The following CCDC91 variants were observed in gnomAD, a reference collection of about 807,000 sequenced individuals.
CCDC91 encodes coiled-coil domain containing 91, also known as coiled-coil domain-containing protein 91.
In CCDC91, 48 loss-of-function variants were observed where a neutral mutation model predicts 63.2. That is an observed-to-expected ratio of 0.76 (90% confidence interval 0.60 to 0.97). The LOEUF (loss-of-function observed/expected upper bound fraction) is 0.97. Ranked by LOEUF, CCDC91 falls within the 50% of genes least tolerant of loss-of-function variation. CCDC91 has a pLI of 0.00. For missense variants in CCDC91, 500 were observed against 494.6 expected, an observed-to-expected ratio of 1.01 and a Z score of -0.10; for synonymous variants, 167 against 165.8, an observed-to-expected ratio of 1.01 and a Z score of -0.06.
intron 12 of CCDC91, among the ~76,000 whole-genome samples, chr12:28,531,046 T>C (rs1022256983): frequency 6.6e-6 from 1 of 152,174 alleles, no homozygotes; most frequent in African/African-American, 2.4e-5. Context: ...CAGTCTCAGG[T>C]AGTCCATTAT....
intron 11 of CCDC91, among the ~76,000 whole-genome samples, chr12:28,473,974 T>TTTTGTG (rs1950953324): frequency 6.7e-6 from 1 of 149,696 alleles, no homozygotes; most frequent in Middle Eastern, 3.4e-3. Context: ...GCATGTGTGT[T>TTTTGTG]TGTGTGTGTG....
At chr12:28,438,042 G>A (rs890558491) in intron 8 of CCDC91, among the ~76,000 whole-genome samples, 2 of 152,154 alleles carry the variant, frequency 1.3e-5, no homozygotes, top group Non-Finnish European at 2.9e-5. Context: ...GAATTGTAGA[G>A]TGTAAGGATG....
At position 28,484,050 on chromosome 12, in the gene CCDC91, A is replaced by G; in HGVS notation, c.1102-2A>G. ...GACTGTTTTGCCTTCTCCCACAAAC[A>G]GGAAACTGTTAAGGCAGCAATAATA... is the stretch of plus-strand genomic sequence containing the variant. On this transcript the variant is annotated splice_acceptor_variant, in intron 11 of 12. Coordinates refer to ENST00000536442, the MANE Select transcript of CCDC91 (RefSeq NM_018318.5). LOFTEE classifies it high-confidence loss of function. 1 of 1,603,994 alleles carries G rather than the reference A, an allele frequency of 6.2e-7. No individual in the cohort carries two copies. Among genetic ancestry groups the G allele is most frequent in the Non-Finnish European group, 8.5e-7 (1 of 1,173,638 alleles).
chr12:28,527,214 G>A (rs1941337907), intron 12 of CCDC91, among the ~76,000 whole-genome samples: 1 of 152,124 alleles, frequency 6.6e-6, no homozygotes, highest in African/African-American at 2.4e-5. Flanking sequence ...TTGGTTTTCT[G>A]GTTTCTTATT....
chr12:28,413,448 T>C (rs1222158155), intron 8 of CCDC91, among the ~76,000 whole-genome samples: 2 of 152,236 alleles, frequency 1.3e-5, no homozygotes, highest in Non-Finnish European at 2.9e-5. Flanking sequence ...ACTTAACTAA[T>C]ATTTGTTTTT....
chr12:28,442,284 A>T (rs1201460717), intron 8 of CCDC91, among the ~76,000 whole-genome samples: 4 of 152,136 alleles, frequency 2.6e-5, no homozygotes, highest in African/African-American at 9.7e-5. Context: ...TATTTCAGGC[A>T]TTCATGAAAA....
intron 12 of CCDC91, among the ~76,000 whole-genome samples, chr12:28,511,482 A>G (rs761596556): frequency 2.0e-5 from 3 of 151,860 alleles, no homozygotes; most frequent in Non-Finnish European, 4.4e-5. Context: ...AACTGTAATT[A>G]TCCTATTTAC....
chr12:28,260,871 G>A (rs936061846), intron 3 of CCDC91, among the ~76,000 whole-genome samples: 4 of 151,966 alleles, frequency 2.6e-5, no homozygotes, highest in African/African-American at 9.7e-5. Context: ...AATGGCTCAG[G>A]ATTTTTAGTG....
intron 3 of CCDC91, among the ~76,000 whole-genome samples, chr12:28,275,241 A>G (rs1948118159): frequency 6.6e-6 from 1 of 152,138 alleles, no homozygotes; most frequent in South Asian, 2.1e-4. Flanking sequence ...ATAAAGAAGA[A>G]AAGAGAGAAG....
chr12:28,280,185 C>T (rs1326975380), intron 3 of CCDC91, among the ~76,000 whole-genome samples: 1 of 152,072 alleles, frequency 6.6e-6, no homozygotes, highest in Non-Finnish European at 1.5e-5. Flanking sequence ...AACTAGCAGT[C>T]ATGCTTGTAT....
At chr12:28,529,807 A>T (rs569934173) in intron 12 of CCDC91, among the ~76,000 whole-genome samples, 1 of 152,294 alleles carries the variant, frequency 6.6e-6, no homozygotes, top group South Asian at 2.1e-4. Context: ...TTATTTGCTT[A>T]ATCTTCCATA....
chr12:28,445,414 G>C (rs779904205), intron 8 of CCDC91, among the ~76,000 whole-genome samples: 16 of 152,118 alleles, frequency 1.1e-4, no homozygotes, highest in Non-Finnish European at 1.9e-4. Flanking sequence ...TATGAAAGGA[G>C]ATAACAGGTG....
At chr12:28,296,408 G>A (rs948976810) in intron 3 of CCDC91, among the ~76,000 whole-genome samples, 1 of 151,754 alleles carries the variant, frequency 6.6e-6, no homozygotes, top group Admixed American at 6.6e-5. Flanking sequence ...TGGAGTCTTT[G>A]TTTATAGTAT....
At chr12:28,274,352 A>G (rs570244480) in intron 3 of CCDC91, among the ~76,000 whole-genome samples, 4 of 152,090 alleles carry the variant, frequency 2.6e-5, no homozygotes, top group Non-Finnish European at 5.9e-5. Context: ...ATGAACTTTA[A>G]AGTAGTTTTT....
In CCDC91 at chr12:28,504,872, C is replaced by T. The variant is rs576924656; in HGVS notation, c.1215+20707C>T. Among the ~76,000 whole-genome samples, 8 of 151,998 alleles carry T rather than the reference C, an allele frequency of 5.3e-5. No individual in the cohort carries two copies. The East Asian group carries it at 9.7e-4, about 19-fold the overall frequency. On this transcript the variant is annotated intron_variant, in intron 12 of 12. Coordinates refer to ENST00000536442, the MANE Select transcript of CCDC91 (RefSeq NM_018318.5). ...AGTTTCTCTGTAGTTATAAATTTAC[C>T]TGTAGAAATTCTTTTGGAGTTGTCA...
At chr12:28,414,195 T>C (rs539921915) in intron 8 of CCDC91, among the ~76,000 whole-genome samples, 1 of 152,346 alleles carries the variant, frequency 6.6e-6, no homozygotes, top group South Asian at 2.1e-4. Context: ...CTGTTAGATA[T>C]ATATTTTTTA....
chr12:28,243,123 G>A (rs1294536968), intron 1 of CCDC91, among the ~76,000 whole-genome samples: 1 of 152,174 alleles, frequency 6.6e-6, no homozygotes, highest in Admixed American at 6.5e-5. Flanking sequence ...CTAATACAGT[G>A]GGTTTACAGC....
chr12:28,245,356 A>G (rs1945659825), intron 1 of CCDC91, among the ~76,000 whole-genome samples: 1 of 152,206 alleles, frequency 6.6e-6, no homozygotes, highest in Non-Finnish European at 1.5e-5. Context: ...CTTCTACCAT[A>G]TAAATACTCA....
chr12:28,364,826 A>C (rs1555195124), intron 7 of CCDC91, among the ~76,000 whole-genome samples: 1 of 152,148 alleles, frequency 6.6e-6, no homozygotes, highest in Non-Finnish European at 1.5e-5. Flanking sequence ...ACACATTATG[A>C]TTTTTTCTAT....
Sources: allele counts gnomAD v4.1 joint callset (sites outside exome capture counted in the v4.1 genomes callset), GRCh38; gene constraint gnomAD v4.1.1; transcripts MANE v1.5; gene names NCBI Gene and HGNC (gene_info 2026-07-23, HGNC 2026-07-21).